ANK2: variants seen among roughly 807,000 people sequenced by gnomAD.
ANK2 encodes ankyrin-2.
ANK2 carries 83 observed loss-of-function variants against 360.5 expected under a neutral mutation model. The ratio of observed to expected loss-of-function variants is 0.23; its 90% CI spans 0.19 to 0.28. The LOEUF (loss-of-function observed/expected upper bound fraction) is 0.28, where lower values mean the gene tolerates loss of function less well. ANK2 is among the 10% of genes least tolerant of loss of function. The pLI, the probability that ANK2 is intolerant of heterozygous loss-of-function variation, is 1.00. For synonymous variants in ANK2, 1,740 were observed against 1,759.5 expected (o/e 0.99, Z 0.28); for missense variants, 4,201 against 4,795.7 (o/e 0.88, Z 3.66).
intron 1 of ANK2, among the ~76,000 whole-genome samples, chr4:113,171,555 G>A (rs556736802): frequency 2.6e-5 from 4 of 151,970 alleles, no homozygotes; most frequent in African/African-American, 9.7e-5. Flanking sequence ...TCCCTTAAAG[G>A]GGTTCTAGAA....
intron 10 of ANK2, among the ~76,000 whole-genome samples, chr4:113,254,268 C>T (rs2048080567): frequency 6.6e-6 from 1 of 152,184 alleles, no homozygotes; most frequent in African/African-American, 2.4e-5. Context: ...CTGTCTTCCA[C>T]ACTAGAATGT....
chr4:113,036,888 A>G (rs891565843), intron 2 of ANK2, among the ~76,000 whole-genome samples: 2 of 151,910 alleles, frequency 1.3e-5, no homozygotes, highest in Non-Finnish European at 2.9e-5. Flanking sequence ...AAGTACACAC[A>G]TACTTATTGC....
At chr4:112,938,785 T>C (rs1325537875) in intron 2 of ANK2, among the ~76,000 whole-genome samples, 2 of 152,170 alleles carry the variant, frequency 1.3e-5, no homozygotes, top group Non-Finnish European at 2.9e-5. Context: ...CATGGGTCTG[T>C]TTACCACTTT....
intron 2 of ANK2, among the ~76,000 whole-genome samples, chr4:112,919,335 A>G (rs765655760): frequency 2.0e-5 from 3 of 152,156 alleles, no homozygotes; most frequent in Non-Finnish European, 4.4e-5. Flanking sequence ...TTATTTATAA[A>G]TGTTAACTAT....
At chr4:112,900,358 T>C (rs1467463651) in intron 1 of ANK2, among the ~76,000 whole-genome samples, 1 of 152,200 alleles carries the variant, frequency 6.6e-6, no homozygotes, top group Admixed American at 6.5e-5. Flanking sequence ...ACCTGCCTTT[T>C]TTTCTCAATT....
At position 113,237,239 on chromosome 4, in the gene ANK2, TA is replaced by T. The variant is rs201519224; in HGVS notation, c.669+70del. The stretch of plus-strand genomic sequence containing the variant: ...CTGCCAGACTCCTCCTGGGGGATGA[TA>T]AAGAAGTAGGCCATGGTGATAATGC... On this transcript the variant is annotated intron_variant, in intron 6 of 45. Transcript: ENST00000357077. 0.027 allele frequency: 41,484 copies of T among 1,531,130 alleles called. 723 individuals carry two copies. The highest frequency in any genetic ancestry group is 0.031 in the Non-Finnish European group (34,167 of 1,109,286). 94.8% of individuals were successfully genotyped at this position (1,531,130 alleles called of 1,614,324 possible). A position where few individuals can be genotyped will look rare whatever the true frequency, so the allele number is the denominator to read the frequency against.
intron 4 of ANK2, among the ~76,000 whole-genome samples, chr4:113,200,769 A>G (rs1007344083): frequency 1.3e-5 from 2 of 152,154 alleles, no homozygotes; most frequent in Admixed American, 1.3e-4. Flanking sequence ...TGCTATTGTG[A>G]ATAATGCTGC....
chr4:112,917,615 A>G (rs545122405), intron 2 of ANK2, among the ~76,000 whole-genome samples: 7 of 152,376 alleles, frequency 4.6e-5, no homozygotes, highest in South Asian at 2.1e-4. Context: ...ATTAGATGAC[A>G]TACATATCTT....
intron 3 of ANK2, among the ~76,000 whole-genome samples, chr4:113,198,183 C>A (rs1443668966): frequency 6.6e-6 from 1 of 151,992 alleles, no homozygotes; most frequent in Non-Finnish European, 1.5e-5. Context: ...TACTTTTAAT[C>A]ATAGAATTGT....
At chr4:113,046,625 G>A (rs551964729), upstream of ANK2, among the ~76,000 whole-genome samples, 51 of 152,228 alleles carry the variant, frequency 3.4e-4, 2 homozygotes, top group South Asian at 5.8e-3. Flanking sequence ...TCACCAGACA[G>A]TGAGCCTGCT....
intron 1 of ANK2, among the ~76,000 whole-genome samples, chr4:113,112,268 G>A (rs1373377484): frequency 6.6e-6 from 1 of 152,046 alleles, no homozygotes; most frequent in African/African-American, 2.4e-5. Context: ...TGTTTAGGAA[G>A]TTCTAGTGAG....
chr4:113,033,752 A>G (rs970083503), intron 2 of ANK2: 3 of 151,988 alleles, frequency 2.0e-5, no homozygotes, highest in African/African-American at 7.2e-5. Context: ...GTTTCCATTT[A>G]ACTAATCTAA....
At chr4:113,167,366 C>T (rs1162605391) in intron 1 of ANK2, among the ~76,000 whole-genome samples, 1 of 150,068 alleles carries the variant, frequency 6.7e-6, no homozygotes, top group African/African-American at 2.5e-5. Context: ...CAGTGGTGAT[C>T]TTGGCTCACT....
chr4:113,005,051 A>G (rs1372756313), intron 2 of ANK2, among the ~76,000 whole-genome samples: 3 of 152,254 alleles, frequency 2.0e-5, no homozygotes, highest in Admixed American at 6.5e-5. Flanking sequence ...ATTCAACTAC[A>G]TATGAATCAA....
At chr4:113,303,015 C>A (rs1236361240) in intron 23 of ANK2, among the ~76,000 whole-genome samples, 176 bp downstream of exon 23, 1 of 152,052 alleles carries the variant, frequency 6.6e-6, no homozygotes, top group Non-Finnish European at 1.5e-5. Context: ...GGGCCGGGGG[C>A]AGTTCTGATT....
At chr4:113,130,543 G>A (rs923282690) in intron 1 of ANK2, among the ~76,000 whole-genome samples, 1 of 152,158 alleles carries the variant, frequency 6.6e-6, no homozygotes, top group East Asian at 1.9e-4. Context: ...ACATACCTAA[G>A]CAGTATAGTG....
chr4:112,735,480 A>C, the ANK2 span, among the ~76,000 whole-genome samples: 1 of 151,956 alleles, frequency 6.6e-6, no homozygotes, highest in Non-Finnish European at 1.5e-5. Context: ...CACCTCCCCA[A>C]TTTTGCTTAT....
intron 2 of ANK2, among the ~76,000 whole-genome samples, chr4:113,192,797 C>G (rs1225701940): frequency 6.6e-6 from 1 of 151,946 alleles, no homozygotes; most frequent in African/African-American, 2.4e-5. Context: ...TCTCAGCACT[C>G]ATAACCTCTT....
intron 35 of ANK2, among the ~76,000 whole-genome samples, chr4:113,346,854 A>G (rs2094917997): frequency 6.6e-6 from 1 of 152,130 alleles, no homozygotes; most frequent in Non-Finnish European, 1.5e-5. Flanking sequence ...TTCCTCGAAT[A>G]CTCTGATGAA....
Sources: gnomAD v4.1 joint callset for allele counts (sites outside exome capture counted in the v4.1 genomes callset) on GRCh38, gnomAD v4.1.1 for gene constraint, MANE v1.5 for transcripts, NCBI Gene and HGNC (gene_info 2026-07-23, HGNC 2026-07-21) for gene names.